Variants in DEPDC1B observed in about 807,000 individuals in gnomAD.
The protein encoded by DEPDC1B is DEP domain containing 1B.
DEPDC1B carries 51 observed loss-of-function variants against 66.5 expected under a neutral mutation model. That is an observed-to-expected ratio of 0.77 (90% CI 0.61 to 0.97). The LOEUF (loss-of-function observed/expected upper bound fraction) is 0.97. Among genes scored for constraint, DEPDC1B ranks in the 50% least tolerant of loss-of-function variants. The pLI, the probability that DEPDC1B is intolerant of heterozygous loss-of-function variation, is 0.00. For synonymous variants in DEPDC1B, 226 were observed against 223.6 expected, an observed-to-expected ratio of 1.01 and a Z score of -0.10; for missense variants, 552 against 637.1, an observed-to-expected ratio of 0.87 and a Z score of 1.44.
chr5:60,618,007 T>C (rs1752602496), intron 7 of DEPDC1B, among the ~76,000 whole-genome samples: 1 of 152,186 alleles, frequency 6.6e-6, no homozygotes, highest in African/African-American at 2.4e-5. Flanking sequence ...CTCGACTACA[T>C]GGAAATTGAA....
intron 7 of DEPDC1B, among the ~76,000 whole-genome samples, chr5:60,615,398 C>G (rs1752522767): frequency 3.9e-5 from 6 of 152,164 alleles, no homozygotes; most frequent in Admixed American, 3.9e-4. Flanking sequence ...CTTTCCTAGT[C>G]AAAGAAAGGG....
chr5:60,680,350 T>C (rs1259282356), intron 2 of DEPDC1B, among the ~76,000 whole-genome samples: 1 of 152,232 alleles, frequency 6.6e-6, no homozygotes, highest in Non-Finnish European at 1.5e-5. Context: ...ATGAACTTGC[T>C]TTCCTTTCTT....
chr5:60,698,295 A>G (rs998705436), intron 1 of DEPDC1B, among the ~76,000 whole-genome samples: 5 of 152,246 alleles, frequency 3.3e-5, no homozygotes, highest in Non-Finnish European at 7.3e-5. Context: ...CACCCTGCCC[A>G]TCAAGAAGTG....
intron 2 of DEPDC1B, among the ~76,000 whole-genome samples, chr5:60,679,530 G>C (rs752032398): frequency 1.2e-4 from 19 of 152,020 alleles, no homozygotes; most frequent in African/African-American, 4.3e-4. Flanking sequence ...GACACACACA[G>C]AGGTAGAAAC....
intron 2 of DEPDC1B, among the ~76,000 whole-genome samples, chr5:60,658,459 T>C (rs576220174): frequency 6.6e-6 from 1 of 152,318 alleles, no homozygotes; most frequent in South Asian, 2.1e-4. Context: ...TCAAGGGCTA[T>C]TGTTCAGATT....
rs1753153731 is a variant in DEPDC1B at position 60,640,115 on chromosome 5, A to G, written c.758-1225T>C. ...CAATATTCTGTTCTCTTCTTATAAA[A>G]TAATTTGATTGGCTAAAATAATGAA... On this transcript the variant is annotated intron_variant, in intron 6 of 10. Transcript: ENST00000265036. Among the ~76,000 whole-genome samples, 3 of 152,232 alleles carry G rather than the reference A, an allele frequency of 2.0e-5. No homozygotes were observed. The South Asian group carries it at 6.2e-4, about 31-fold the overall frequency.
intron 2 of DEPDC1B, among the ~76,000 whole-genome samples, chr5:60,671,669 C>A (rs1172618804): frequency 6.6e-6 from 1 of 152,236 alleles, no homozygotes; most frequent in Non-Finnish European, 1.5e-5. Flanking sequence ...TTCCCTTCCC[C>A]ATTTATCCTT....
chr5:60,597,582 A>G lies in DEPDC1B; in HGVS notation c.*171T>C. The G allele has an allele frequency of 1.5e-6, 1 of 672,820 alleles. No individual in the cohort carries two copies. Among genetic ancestry groups the G allele is most frequent in the Non-Finnish European group, 2.3e-6 (1 of 429,408 alleles). 41.7% of individuals were successfully genotyped at this position (672,820 alleles called of 1,614,324 possible). ...CACTTTAAAACTAGCATTGAGTTTT[A>G]TAAAAATACTAATGGCCAAACATTT... On this transcript the variant is annotated 3_prime_UTR_variant, in exon 11 of 11. Transcript: ENST00000265036.
At position 60,605,798 on chromosome 5, in the gene DEPDC1B, T is replaced by C. The variant is rs768486857; in HGVS notation, c.957A>G (p.Leu319=). 1 of 1,613,512 alleles carries C rather than the reference T, an allele frequency of 6.2e-7. No individual in the cohort carries two copies. Among genetic ancestry groups the C allele is most frequent in the Non-Finnish European group, 8.5e-7 (1 of 1,179,742 alleles). The change falls in exon 8 of 11, where the codon CTA becomes CTG. Residue 319 remains leucine, a synonymous_variant. Coordinates refer to ENST00000265036, the MANE Select transcript of DEPDC1B (RefSeq NM_018369.3). Reference sequence around the variant, plus strand: ...GTAACTTTCTCCTATTTTCAGGAGGTAGGAGAAGGCAGCAAATCTGAAATG... The same window carrying C: ...GTAACTTTCTCCTATTTTCAGGAGGCAGGAGAAGGCAGCAAATCTGAAATG... The part of the protein sequence containing the change: ...VEAFQICCLL[L]PPENRRKLQL...
chr5:60,597,868 G>A lies in DEPDC1B; in HGVS notation c.1475C>T (p.Pro492Leu), dbSNP rs372551359. The change falls in exon 11 of 11, where the codon CCA becomes CTA. Residue 492 changes from proline (P) to leucine (L), a missense_variant. Transcript: ENST00000265036. ...PEVYQERFPT[P>L]ESAALLFPEK... is the part of the protein sequence containing the mutation. ...AGGAAACAGAAGTGCTGCACTTTCT[G>A]GTGTAGGAAATCGTTCTTGATAGAC... 34 of 1,612,578 alleles carry A rather than the reference G, an allele frequency of 2.1e-5. No homozygotes were observed. Among genetic ancestry groups the A allele is most frequent in the Non-Finnish European group, 2.7e-5 (32 of 1,179,490 alleles).
intron 2 of DEPDC1B, among the ~76,000 whole-genome samples, chr5:60,666,129 C>T (rs1043235999): frequency 4.6e-5 from 7 of 152,224 alleles, no homozygotes; most frequent in Non-Finnish European, 5.9e-5. Context: ...ACTTCCACCC[C>T]TCCAGATCCG....
intron 7 of DEPDC1B, among the ~76,000 whole-genome samples, chr5:60,633,573 C>A (rs923435234): frequency 6.6e-6 from 1 of 152,168 alleles, no homozygotes; most frequent in Non-Finnish European, 1.5e-5. Context: ...CTGAGTCACC[C>A]CAGCCAACCT....
intron 7 of DEPDC1B, among the ~76,000 whole-genome samples, chr5:60,634,760 G>C (rs140960213): frequency 6.6e-6 from 1 of 151,766 alleles, no homozygotes; most frequent in Non-Finnish European, 1.5e-5. Flanking sequence ...TAATACCTAG[G>C]CATTTCCCTA....
rs202176107 is a variant in DEPDC1B at position 60,599,100 on chromosome 5, T to C, written c.1403A>G (p.Lys468Arg). Residue 468 changes from lysine to arginine, a missense_variant, in exon 10 of 11, where the codon AAA (lysine) becomes AGA (arginine). Coordinates refer to ENST00000265036, the MANE Select transcript of DEPDC1B (RefSeq NM_018369.3). The stretch of plus-strand genomic sequence containing the variant: ...CTGCTTCAGTTTCTTCTTTTTCTCT[T>C]TGTTGGAGAGTTTGGCATCTGTTAT... ...EVITDAKLSNKEKKKKLKQFQ... is the reference protein window; with the variant it reads ...EVITDAKLSNREKKKKLKQFQ... 1.2e-5 allele frequency: 20 copies of C among 1,601,254 alleles called. No homozygotes were observed. In the East Asian group the frequency reaches 4.5e-4, roughly 36 times the overall value.
intron 7 of DEPDC1B, among the ~76,000 whole-genome samples, chr5:60,615,407 G>C (rs1752523012): frequency 6.6e-6 from 1 of 152,166 alleles, no homozygotes; most frequent in South Asian, 2.1e-4. Flanking sequence ...TCAAAGAAAG[G>C]GGTGACAGAC....
intron 7 of DEPDC1B, among the ~76,000 whole-genome samples, chr5:60,625,612 C>A (rs1366187423): frequency 6.6e-6 from 1 of 152,116 alleles, no homozygotes; most frequent in Non-Finnish European, 1.5e-5. Context: ...GTTTAAACAA[C>A]CACACCAAGA....
intron 7 of DEPDC1B, among the ~76,000 whole-genome samples, chr5:60,635,455 G>A (rs368550092): frequency 4.6e-5 from 7 of 152,304 alleles, no homozygotes; most frequent in African/African-American, 1.7e-4. Flanking sequence ...TCTAGTGAAT[G>A]TCTATGGCAT....
intron 2 of DEPDC1B, among the ~76,000 whole-genome samples, chr5:60,665,763 G>C (rs1282267058): frequency 6.6e-6 from 1 of 152,188 alleles, no homozygotes; most frequent in African/African-American, 2.4e-5. Context: ...AGCTGGGAAA[G>C]GTGACTGCAC....
chr5:60,691,835 G>T (rs1754552822), intron 1 of DEPDC1B, among the ~76,000 whole-genome samples: 1 of 152,064 alleles, frequency 6.6e-6, no homozygotes, highest in African/African-American at 2.4e-5. Context: ...CCCACTTTTG[G>T]GTATTTGCCC....
Sources: allele counts gnomAD v4.1 joint callset (sites outside exome capture counted in the v4.1 genomes callset), GRCh38; gene constraint gnomAD v4.1.1; transcripts MANE v1.5; gene names NCBI Gene and HGNC (gene_info 2026-07-23, HGNC 2026-07-21).